Variants in PSMB2 observed in about 807,000 individuals in gnomAD.
PSMB2 encodes proteasome 20S subunit beta 2, also known as proteasome subunit beta type-2.
In PSMB2, 13 loss-of-function variants were observed where a neutral mutation model predicts 25.7. The observed-to-expected ratio is 0.51, with a 90% CI of 0.33 to 0.80. The LOEUF (loss-of-function observed/expected upper bound fraction) is 0.80, where lower values mean the gene tolerates loss of function less well. Among genes scored for constraint, PSMB2 ranks in the 30% least tolerant of loss-of-function variants. PSMB2 has a pLI of 0.02. For missense variants in PSMB2, 202 were observed against 259.0 expected (o/e 0.78, Z 1.51); for synonymous variants, 87 against 96.2 (o/e 0.90, Z 0.56).
chr1:35,630,449 G>C (rs1651057105), intron 3 of PSMB2, among the ~76,000 whole-genome samples: 1 of 152,176 alleles, frequency 6.6e-6, no homozygotes, highest in Admixed American at 6.5e-5. Context: ...ATGTCCTTCA[G>C]TAGGTGAATG....
chr1:35,609,297 C>T lies in PSMB2; in HGVS notation c.397G>A (p.Gly133Ser), dbSNP rs770419384. Residue 133 changes from glycine to serine, a missense_variant, in exon 4 of 6, where the codon GGC becomes AGC. Coordinates refer to ENST00000373237, the MANE Select transcript of PSMB2 (RefSeq NM_002794.5). The stretch of plus-strand genomic sequence containing the variant: ...CTGAGAGTCAGGAAGGCACCATAGC[C>T]GTGGGCTGCAAAAGGGGCCTTGGCC... Reference protein sequence around the residue: ...ALAKAPFAAHGYGAFLTLSIL... With the variant: ...ALAKAPFAAHSYGAFLTLSIL... The T allele has an allele frequency of 2.2e-5, 35 of 1,613,172 alleles. No individual in the cohort carries two copies. Among genetic ancestry groups the T allele is most frequent in the Non-Finnish European group, 2.7e-5 (32 of 1,179,554 alleles).
intron 2 of PSMB2, among the ~76,000 whole-genome samples, chr1:35,631,866 T>G (rs143145430): frequency 1.7e-4 from 26 of 152,000 alleles, no homozygotes; most frequent in Non-Finnish European, 3.1e-4. Flanking sequence ...TAAAAAAAAT[T>G]TTTTTTTAAA....
chr1:35,623,135 C>G lies in PSMB2; in HGVS notation c.285+8139G>C, dbSNP rs144260979. Reference sequence around the variant, plus strand: ...ATCAAAATGACCACTAAAAACAGAACAGCGGTATCTCCAATGGGGCCAACA... The same window carrying G: ...ATCAAAATGACCACTAAAAACAGAAGAGCGGTATCTCCAATGGGGCCAACA... On this transcript the variant is annotated intron_variant, in intron 3 of 5. Coordinates refer to ENST00000373237, the MANE Select transcript of PSMB2 (RefSeq NM_002794.5). Among the ~76,000 whole-genome samples, 18 of 152,340 alleles carry G rather than the reference C, an allele frequency of 1.2e-4. No individual in the cohort carries two copies. The East Asian group carries it at 3.3e-3, about 28-fold the overall frequency.
At chr1:35,636,573 A>T in intron 1 of PSMB2, 141 bp from the exon 2 acceptor site, 1 of 946,352 alleles carries the variant, frequency 1.1e-6, no homozygotes, top group Non-Finnish European at 1.5e-6. Flanking sequence ...TCAACAAACT[A>T]TGGATCAAAA....
chr1:35,604,339 C>T (rs1650097546), intron 5 of PSMB2, among the ~76,000 whole-genome samples: 1 of 152,194 alleles, frequency 6.6e-6, no homozygotes, highest in Admixed American at 6.5e-5. Flanking sequence ...CTACTCTCCC[C>T]TTCTGCCCAA....
intron 3 of PSMB2, among the ~76,000 whole-genome samples, chr1:35,628,564 T>C (rs1374532157): frequency 1.2e-5 from 1 of 85,152 alleles, no homozygotes; most frequent in African/African-American, 4.7e-5. Flanking sequence ...TTGGTGACAA[T>C]GACTTTCTTG....
At chr1:35,624,071 C>G (rs1449074377) in intron 3 of PSMB2, among the ~76,000 whole-genome samples, 1 of 152,146 alleles carries the variant, frequency 6.6e-6, no homozygotes, top group Non-Finnish European at 1.5e-5. Context: ...GACCAAACAG[C>G]CTTGAATTAA....
chr1:35,623,809 A>G (rs1358681308), intron 3 of PSMB2, among the ~76,000 whole-genome samples: 1 of 152,246 alleles, frequency 6.6e-6, no homozygotes, highest in Non-Finnish European at 1.5e-5. Flanking sequence ...ATCATGTGAA[A>G]TTACCCTTGT....
chr1:35,641,302 A>G, intron 1 of PSMB2, 40 bp downstream of exon 1: 1 of 1,612,836 alleles, frequency 6.2e-7, no homozygotes, highest in Non-Finnish European at 8.5e-7. Flanking sequence ...GGCCGCTCCT[A>G]CACCCCAGGC....
chr1:35,604,424 G>A (rs1443243977), intron 5 of PSMB2, among the ~76,000 whole-genome samples: 1 of 152,170 alleles, frequency 6.6e-6, no homozygotes, highest in Admixed American at 6.5e-5. Context: ...AAAGACTCGA[G>A]CACTATTAAG....
At chr1:35,605,183 G>A in intron 5 of PSMB2, 50 bp downstream of exon 5, 1 of 1,543,870 alleles carries the variant, frequency 6.5e-7, no homozygotes, top group South Asian at 1.2e-5. Flanking sequence ...AACAACACTG[G>A]CAAACAGAGA....
intron 1 of PSMB2, among the ~76,000 whole-genome samples, chr1:35,641,006 T>C (rs1031608049): frequency 2.5e-4 from 38 of 150,802 alleles, no homozygotes; most frequent in African/African-American, 9.4e-4. Context: ...GCCTGACCAA[T>C]ATGGAGAAAT....
intron 3 of PSMB2, among the ~76,000 whole-genome samples, chr1:35,617,815 T>C (rs955967767): frequency 6.6e-6 from 1 of 152,202 alleles, no homozygotes; most frequent in Non-Finnish European, 1.5e-5. Flanking sequence ...ACACTGTCAC[T>C]GGCCTCCTAA....
chr1:35,603,748 T>G (rs1192119640), intron 5 of PSMB2, among the ~76,000 whole-genome samples: 2 of 152,194 alleles, frequency 1.3e-5, no homozygotes, highest in African/African-American at 2.4e-5. Context: ...AAAGAGTGAT[T>G]GTCCTCAGAA....
At chr1:35,639,109 C>G (rs1253690919) in intron 1 of PSMB2, among the ~76,000 whole-genome samples, 1 of 152,044 alleles carries the variant, frequency 6.6e-6, no homozygotes, top group Non-Finnish European at 1.5e-5. Flanking sequence ...CAAAAATTAG[C>G]TGGGCATGGT....
chr1:35,606,381 A>G (rs1650170734), intron 4 of PSMB2, among the ~76,000 whole-genome samples: 1 of 152,236 alleles, frequency 6.6e-6, no homozygotes, highest in Admixed American at 6.5e-5. Flanking sequence ...ATATACAAAA[A>G]TCAGTATTTC....
At chr1:35,624,121 T>C (rs907550306) in intron 3 of PSMB2, among the ~76,000 whole-genome samples, 9 of 152,150 alleles carry the variant, frequency 5.9e-5, no homozygotes, top group African/African-American at 1.7e-4. Flanking sequence ...CTGCTGGAAA[T>C]GACTAAGACC....
chr1:35,609,435 A>G (rs748259149), intron 3 of PSMB2, 27 bp from the exon 4 acceptor site: 1 of 1,466,728 alleles, frequency 6.8e-7, no homozygotes, highest in Non-Finnish European at 9.1e-7. Flanking sequence ...TGGCAAAGTG[A>G]TAACTAAAGC....
At chr1:35,615,597 C>T (rs1325685571) in intron 3 of PSMB2, among the ~76,000 whole-genome samples, 2 of 152,138 alleles carry the variant, frequency 1.3e-5, no homozygotes, top group East Asian at 1.9e-4. Flanking sequence ...TGACAAGCAG[C>T]GGTGTGACAT....
Sources: allele counts gnomAD v4.1 joint callset (sites outside exome capture counted in the v4.1 genomes callset), GRCh38; gene constraint gnomAD v4.1.1; transcripts MANE v1.5; gene names NCBI Gene and HGNC (gene_info 2026-07-23, HGNC 2026-07-21).